PRDM16: variants seen among roughly 807,000 people sequenced by gnomAD.
PRDM16 encodes PR/SET domain 16.
Under a neutral mutation model 110.6 loss-of-function variants are expected in PRDM16, and 23 were observed. The observed-to-expected ratio is 0.21, with a 90% CI of 0.15 to 0.29. The LOEUF is 0.29. PRDM16 is among the 10% of genes least tolerant of loss of function. The probability of loss-of-function intolerance (pLI) is 1.00; values close to 1 mark genes in which losing one functional copy is unlikely to be tolerated. For synonymous variants in PRDM16, 799 were observed against 781.8 expected (o/e 1.02, Z -0.37); for missense variants, 1,615 against 1,794.3 (o/e 0.90, Z 1.81).
At chr1:3,194,892 G>A (rs558895830) in intron 2 of PRDM16, among the ~76,000 whole-genome samples, 9 of 152,310 alleles carry the variant, frequency 5.9e-5, no homozygotes, top group Non-Finnish European at 7.3e-5. Flanking sequence ...GCTCGGCCCC[G>A]GGACGTGGCC....
Position 3,405,588 on chromosome 1 carries a change from G to T in PRDM16, c.1126G>T (p.Ala376Ser). The change falls in exon 8 of 17, where the codon GCC becomes TCC. Residue 376 changes from alanine (A) to serine (S), a missense_variant. Coordinates refer to ENST00000270722, the MANE Select transcript of PRDM16 (RefSeq NM_022114.4). Reference protein sequence around the residue: ...HACPDCGKTFATSSGLKQHKH... With the variant: ...HACPDCGKTFSTSSGLKQHKH... Reference sequence around the variant, plus strand: ...CTGCCCCGACTGCGGGAAGACCTTCGCCACGTCCTCCGGCCTCAAGCAGCA... The same window carrying T: ...CTGCCCCGACTGCGGGAAGACCTTCTCCACGTCCTCCGGCCTCAAGCAGCA... 6.2e-7 allele frequency: 1 copy of T among 1,611,414 alleles called. No homozygotes were observed. Among genetic ancestry groups the T allele is most frequent in the South Asian group, 1.1e-5 (1 of 90,898 alleles).
chr1:3,166,023 C>T (rs1199659622), intron 1 of PRDM16, among the ~76,000 whole-genome samples: 2 of 152,224 alleles, frequency 1.3e-5, no homozygotes, highest in East Asian at 3.9e-4. Context: ...TGGGAAGGGG[C>T]TCCCTGGGGC....
chr1:3,186,333 A>C lies in PRDM16; in HGVS notation c.246A>C (p.Ala82=). The change falls in exon 2 of 17, where the codon GCA becomes GCC. Residue 82 remains alanine (A), a synonymous_variant. Transcript: ENST00000270722. ...VYIPEDIPIP[A]DFELRESSIP... The stretch of plus-strand genomic sequence containing the variant: ...TTCCTGAAGACATTCCGATCCCAGC[A>C]GACTTCGAGCTCCGAGAGTCCTCCA... The C allele has an allele frequency of 6.2e-7, 1 of 1,612,386 alleles. No individual in the cohort carries two copies.
In PRDM16 at chr1:3,275,286, G is replaced by A. The variant is rs146691794; in HGVS notation, c.438+31149G>A. ...GCCATGGGCTTGACAGACCTTGTAC[G>A]TAACAAGTTCCCGGAAAGGATCAAC... On this transcript the variant is annotated intron_variant, in intron 3 of 16. Coordinates refer to ENST00000270722, the MANE Select transcript of PRDM16 (RefSeq NM_022114.4). Among the ~76,000 whole-genome samples, 1,186 of 152,342 alleles carry A rather than the reference G, an allele frequency of 7.8e-3. 19 individuals are homozygous for A. Among genetic ancestry groups the A allele is most frequent in the African/African-American group, 0.027 (1,117 of 41,576 alleles).
chr1:3,176,721 C>T (rs375726195), intron 1 of PRDM16, among the ~76,000 whole-genome samples: 2 of 136,614 alleles, frequency 1.5e-5, no homozygotes, highest in South Asian at 2.4e-4. Flanking sequence ...TCCATCCATC[C>T]ATCCATCCAT....
At chr1:3,195,924 T>C (rs1638462151) in intron 2 of PRDM16, among the ~76,000 whole-genome samples, 1 of 152,202 alleles carries the variant, frequency 6.6e-6, no homozygotes, top group Non-Finnish European at 1.5e-5. Context: ...CCGTGTGCCC[T>C]GGTCTCTGTG....
At chr1:3,340,764 C>T (rs1170449617) in intron 3 of PRDM16, among the ~76,000 whole-genome samples, 1 of 152,214 alleles carries the variant, frequency 6.6e-6, no homozygotes, top group Non-Finnish European at 1.5e-5. Flanking sequence ...TCTAGATGAA[C>T]AACGGCCTCT....
At chr1:3,071,872 G>A (rs181488295) in intron 1 of PRDM16, among the ~76,000 whole-genome samples, 17 of 152,368 alleles carry the variant, frequency 1.1e-4, no homozygotes, top group African/African-American at 3.6e-4. Flanking sequence ...ATCTGGAGGT[G>A]TAATTTCGTT....
At position 3,436,015 on chromosome 1, in the gene PRDM16, T is replaced by C. The variant is rs1537402; in HGVS notation, c.*2204T>C. 212,121 of 230,436 alleles carry C rather than the reference T, an allele frequency of 0.92. 98,177 individuals are homozygous for C. The highest frequency in any genetic ancestry group is 0.98 in the Middle Eastern group (760 of 774). The allele number at this position is 230,436 out of a possible 1,614,324, so 14.3% of individuals were successfully genotyped here. ...AGGATCCAGGATCTGCAAACACAAC[T>C]GCTCAGGCCTTCTCACGCGTTTCCA... is the stretch of plus-strand genomic sequence containing the variant. On this transcript the variant is annotated 3_prime_UTR_variant, in exon 17 of 17. Transcript: ENST00000270722.
chr1:3,276,122 G>T (rs1273815483), intron 3 of PRDM16, among the ~76,000 whole-genome samples: 3 of 152,248 alleles, frequency 2.0e-5, no homozygotes, highest in African/African-American at 7.2e-5. Context: ...AGGGCTTCAA[G>T]GGGGGAGAAA....
At chr1:3,276,573 G>C (rs1251972896) in intron 3 of PRDM16, among the ~76,000 whole-genome samples, 1 of 150,882 alleles carries the variant, frequency 6.6e-6, no homozygotes, top group Non-Finnish European at 1.5e-5. Flanking sequence ...ACCCCGAGCT[G>C]TCCCAGCCCA....
intron 1 of PRDM16, among the ~76,000 whole-genome samples, chr1:3,167,130 T>C (rs1231106312): frequency 1.3e-5 from 2 of 152,102 alleles, no homozygotes; most frequent in African/African-American, 4.8e-5. Context: ...TGGCTACTAC[T>C]ACTACCACCG....
In PRDM16 at chr1:3,080,722, T is replaced by C. The variant is rs188257048; in HGVS notation, c.37+11426T>C. 1.4e-4 allele frequency among the ~76,000 whole-genome samples: 22 copies of C among 152,290 alleles called. No homozygotes were observed. In the East Asian group the frequency reaches 3.9e-3, roughly 27 times the overall value. On this transcript the variant is annotated intron_variant, in intron 1 of 16. Transcript: ENST00000270722. The surrounding 1 kb of genome is among the most constrained non-coding windows in gnomAD (Gnocchi z 5.2). The stretch of plus-strand genomic sequence containing the variant: ...TGCTCTCCCCCTCGGACCGGGCAAC[T>C]GCTCCTGGATTTCTGTTCCGAGGAA...
chr1:3,237,363 AC>A (rs1034108356), intron 2 of PRDM16, among the ~76,000 whole-genome samples: 6 of 144,722 alleles, frequency 4.1e-5, no homozygotes, highest in Non-Finnish European at 3.0e-5. Context: ...TGGGCTCCCC[AC>A]CCCCACTTCG....
chr1:3,389,807 C>T (rs1358091326), intron 4 of PRDM16, among the ~76,000 whole-genome samples: 2 of 152,280 alleles, frequency 1.3e-5, no homozygotes, highest in South Asian at 4.2e-4. Context: ...CTGGGACTTT[C>T]GGGGCAATCA....
chr1:3,114,350 A>C (rs997738317), intron 1 of PRDM16, among the ~76,000 whole-genome samples: 2 of 145,530 alleles, frequency 1.4e-5, no homozygotes, highest in African/African-American at 5.2e-5. Flanking sequence ...GCACGCATGC[A>C]CACATGCACA....
chr1:3,353,536 C>T lies in PRDM16; in HGVS notation c.439-31616C>T, dbSNP rs1642535710. Among the ~76,000 whole-genome samples the T allele has an allele frequency of 6.6e-6, 1 of 152,152 alleles. No homozygotes were observed. Among genetic ancestry groups the T allele is most frequent in the African/African-American group, 2.4e-5 (1 of 41,424 alleles). On this transcript the variant is annotated intron_variant, in intron 3 of 16. Transcript: ENST00000270722. The surrounding 1 kb of genome is among the most constrained non-coding windows in gnomAD (Gnocchi z 5.4). ...CCCAAGGGTGGCTCCCTCGGGCCAC[C>T]CCGTTACACTCCAGCCAAGTACTGG... is the stretch of plus-strand genomic sequence containing the variant.
Position 3,350,861 on chromosome 1 carries a change from G to C in PRDM16, c.439-34291G>C, listed in dbSNP as rs1299618056. Among the ~76,000 whole-genome samples the C allele has an allele frequency of 1.3e-5, 2 of 152,110 alleles. No homozygotes were observed. Among genetic ancestry groups the C allele is most frequent in the Admixed American group, 6.5e-5 (1 of 15,274 alleles). On this transcript the variant is annotated intron_variant, in intron 3 of 16. Transcript: ENST00000270722. The surrounding 1 kb of genome is among the most constrained non-coding windows in gnomAD (Gnocchi z 7.1). ...GCCCAGCCAGCGCCAGGCACTTCTGGCTGGGGGATATACACCCCCCAGTCC... is the reference window on the plus strand; with the variant it reads ...GCCCAGCCAGCGCCAGGCACTTCTGCCTGGGGGATATACACCCCCCAGTCC...
chr1:3,372,249 C>G (rs1642919694), intron 3 of PRDM16, among the ~76,000 whole-genome samples: 10 of 152,252 alleles, frequency 6.6e-5, no homozygotes, highest in Admixed American at 6.5e-4. Flanking sequence ...GGGCTTTTCT[C>G]CAACAAAGGA....
Sources: allele counts gnomAD v4.1 joint callset (sites outside exome capture counted in the v4.1 genomes callset), GRCh38; gene constraint gnomAD v4.1.1; non-coding constraint Gnocchi (gnomAD v3.1); transcripts MANE v1.5; gene names NCBI Gene and HGNC (gene_info 2026-07-23, HGNC 2026-07-21).